Variants in IGFBP5 observed in about 807,000 individuals in gnomAD.
The protein encoded by IGFBP5 is insulin-like growth factor-binding protein 5.
In IGFBP5, 12 loss-of-function variants were observed where a neutral mutation model predicts 28.0. The observed-to-expected ratio is 0.43, with a 90% CI of 0.27 to 0.69. The LOEUF (loss-of-function observed/expected upper bound fraction) is 0.69, where lower values mean the gene tolerates loss of function less well. Among genes scored for constraint, IGFBP5 ranks in the 30% least tolerant of loss-of-function variants. The pLI, the probability that IGFBP5 is intolerant of heterozygous loss-of-function variation, is 0.20. For synonymous variants in IGFBP5, 152 were observed against 150.2 expected (o/e 1.01, Z -0.09); for missense variants, 344 against 381.6 (o/e 0.90, Z 0.82).
rs759992658 is a variant in IGFBP5 at position 216,694,724 on chromosome 2, C to T, written c.52G>A (p.Ala18Thr). ...TGCACGAAGGAGCCCAGGCTCTGGG[C>T]CGGCCCCGCATAGGCGGCCAGCAGC... ...LLLLAAYAGP[A>T]QSLGSFVHCE... Residue 18 changes from alanine (A) to threonine (T), a missense_variant, in exon 1 of 4, where the codon GCC becomes ACC. Around this residue, in one of 3 missense-constraint regions of IGFBP5, gnomAD observed 304 missense variants for 329.2 expected, o/e 0.92. Transcript: ENST00000233813. The surrounding 1 kb of genome is among the most constrained non-coding windows in gnomAD (Gnocchi z 5.2). 82 of 1,464,462 alleles carry T rather than the reference C, an allele frequency of 5.6e-5. No homozygotes were observed. Among genetic ancestry groups the T allele is most frequent in the South Asian group, 1.5e-5 (1 of 68,080 alleles). The allele number at this position is 1,464,462 out of a possible 1,614,324, so 90.7% of individuals were successfully genotyped here.
rs11575192 is a variant in IGFBP5, at chr2:216,679,444, G to C, written c.338-365C>G. On this transcript the variant is annotated intron_variant, in intron 1 of 3. Transcript: ENST00000233813. The surrounding 1 kb of genome is among the most constrained non-coding windows in gnomAD (Gnocchi z 4.6). ...TGCAAGGATGAAGGTGGCAGCGAGC[G>C]GTTTGCTTGCTGGGGGATGGCCAAG... Among the ~76,000 whole-genome samples the C allele has an allele frequency of 8.3e-3, 1,266 of 152,218 alleles. 21 individuals are homozygous for C. Among genetic ancestry groups the C allele is most frequent in the African/African-American group, 0.028 (1,168 of 41,530 alleles).
At chr2:216,678,619 C>A in intron 2 of IGFBP5, 1 of 582,796 alleles carries the variant, frequency 1.7e-6, no homozygotes, top group Non-Finnish European at 3.0e-6. Flanking sequence ...TGGGCTGGCA[C>A]ACACTCTCCT....
chr2:216,690,925 G>T (rs1689088096), intron 1 of IGFBP5, among the ~76,000 whole-genome samples: 1 of 151,084 alleles, frequency 6.6e-6, no homozygotes, highest in Non-Finnish European at 1.5e-5. Flanking sequence ...CGGAGGTGGC[G>T]AGAAAAGTCC....
At chr2:216,685,605 G>T (rs1689025413) in intron 1 of IGFBP5, among the ~76,000 whole-genome samples, 1 of 152,194 alleles carries the variant, frequency 6.6e-6, no homozygotes, top group African/African-American at 2.4e-5. Context: ...ACACAAGGCT[G>T]GTGGAAGCAT....
chr2:216,695,052 G>C lies in IGFBP5; in HGVS notation c.-277C>G, dbSNP rs754590386. 1.5e-5 allele frequency: 5 copies of C among 334,748 alleles called. No individual in the cohort carries two copies. Among genetic ancestry groups the C allele is most frequent in the Non-Finnish European group, 2.7e-5 (5 of 185,850 alleles). The allele number at this position is 334,748 out of a possible 1,614,324, so 20.7% of individuals were successfully genotyped here. On this transcript the variant is annotated 5_prime_UTR_variant, in exon 1 of 4. Transcript: ENST00000233813. ...CAGGTGCACGCAGTGAGCGGAGGCC[G>C]GAGAAACCCTCAAGCCTGAGCGGGT...
intron 2 of IGFBP5, 24 bp from the exon 3 acceptor site, chr2:216,678,255 G>C (rs578023164): frequency 2.0e-6 from 3 of 1,505,364 alleles, no homozygotes; most frequent in South Asian, 1.4e-5. Flanking sequence ...AGGGTGAGAG[G>C]CGTGGCGAGA....
intron 1 of IGFBP5, among the ~76,000 whole-genome samples, chr2:216,690,739 G>A (rs933450716): frequency 6.6e-6 from 1 of 150,936 alleles, no homozygotes; most frequent in Non-Finnish European, 1.5e-5. Context: ...GGGTCGGGGG[G>A]TGGATGGAGA....
chr2:216,694,758 C>A lies in IGFBP5; in HGVS notation c.18G>T (p.Ala6=), dbSNP rs191919473. ...CATAGGCGGCCAGCAGCAGGAGGACCGCGGTGAGCAACACCATCTTCTCTT... is the reference window on the plus strand; with the variant it reads ...CATAGGCGGCCAGCAGCAGGAGGACAGCGGTGAGCAACACCATCTTCTCTT... MVLLT[A]VLLLLAAYAG... is the part of the protein sequence containing the mutation. The change falls in exon 1 of 4, where the codon GCG becomes GCT. Residue 6 remains alanine (A), a synonymous_variant. Transcript: ENST00000233813. The surrounding 1 kb of genome is among the most constrained non-coding windows in gnomAD (Gnocchi z 5.2). 2.1e-6 allele frequency: 3 copies of A among 1,426,826 alleles called. No individual in the cohort carries two copies. The highest frequency in any genetic ancestry group is 2.7e-6 in the Non-Finnish European group (3 of 1,094,262). 88.4% of individuals were successfully genotyped at this position (1,426,826 alleles called of 1,614,324 possible).
rs1372571513 is a variant in IGFBP5 at position 216,684,573 on chromosome 2, G to A, written c.338-5494C>T. Among the ~76,000 whole-genome samples, 4 of 152,316 alleles carry A rather than the reference G, an allele frequency of 2.6e-5. No individual in the cohort carries two copies. In the East Asian group the frequency reaches 7.7e-4, roughly 29 times the overall value. On this transcript the variant is annotated intron_variant, in intron 1 of 3. Transcript: ENST00000233813. ...TCCTTTTCTAGACAGAAGATAAGAT[G>A]AGGACGCCTAGAATCTCTCTACAAA...
chr2:216,694,506 C>A lies in IGFBP5; in HGVS notation c.270G>T (p.Leu90=). The change falls in exon 1 of 4, where the codon CTG becomes CTT. Residue 90 remains leucine (L), a synonymous_variant. Transcript: ENST00000233813. The surrounding 1 kb of genome is among the most constrained non-coding windows in gnomAD (Gnocchi z 5.2). ...CLPRQDEEKP[L]HALLHGRGVC... is the part of the protein sequence containing the mutation. ...CCCCGCGGCCGTGCAGCAGGGCGTGCAGCGGCTTCTCCTCGTCCTGCCGGG... is the reference window on the plus strand; with the variant it reads ...CCCCGCGGCCGTGCAGCAGGGCGTGAAGCGGCTTCTCCTCGTCCTGCCGGG... 1 of 1,590,026 alleles carries A rather than the reference C, an allele frequency of 6.3e-7. No individual in the cohort carries two copies. The highest frequency in any genetic ancestry group is 1.3e-5 in the African/African-American group (1 of 74,146).
chr2:216,678,033 C>T, intron 3 of IGFBP5, 79 bp downstream of exon 3: 1 of 1,338,442 alleles, frequency 7.5e-7, no homozygotes, highest in Non-Finnish European at 9.8e-7. Flanking sequence ...AAACCTTAGG[C>T]ACTTGCCCAA....
intron 1 of IGFBP5, among the ~76,000 whole-genome samples, chr2:216,686,144 C>T (rs1340531808): frequency 6.6e-6 from 1 of 152,126 alleles, no homozygotes; most frequent in Non-Finnish European, 1.5e-5. Context: ...CAGCTGAGCC[C>T]CCCTACCCCA....
In IGFBP5 at chr2:216,679,330, A is replaced by T; in HGVS notation, c.338-251T>A. On this transcript the variant is annotated intron_variant, in intron 1 of 3. Transcript: ENST00000233813. The surrounding 1 kb of genome is among the most constrained non-coding windows in gnomAD (Gnocchi z 4.6). ...TGCAGGCAGGGAGGCTTCACAGAGG[A>T]GGAGAATCGAGAGACTGACAGACTG... 1.9e-6 allele frequency: 1 copy of T among 539,452 alleles called. No homozygotes were observed. Among genetic ancestry groups the T allele is most frequent in the South Asian group, 2.0e-5 (1 of 50,734 alleles). 33.4% of individuals were successfully genotyped at this position (539,452 alleles called of 1,614,324 possible).
In IGFBP5 at chr2:216,694,525, T is replaced by A; in HGVS notation, c.251A>T (p.Gln84Leu). 1 of 1,583,390 alleles carries A rather than the reference T, an allele frequency of 6.3e-7. No homozygotes were observed. The highest frequency in any genetic ancestry group is 8.6e-7 in the Non-Finnish European group (1 of 1,167,986). ...GGCGTGCAGCGGCTTCTCCTCGTCC[T>A]GCCGGGGGAGGCAGCGCAGCCCCTG... is the stretch of plus-strand genomic sequence containing the variant. ...CAQGLRCLPR[Q>L]DEEKPLHALL... The change falls in exon 1 of 4, where the codon CAG becomes CTG. Residue 84 changes from glutamine to leucine, a missense_variant. By Grantham distance (113) the Gln-to-Leu change is moderately radical (BLOSUM62 -2). Around this residue, in one of 3 missense-constraint regions of IGFBP5, gnomAD observed 304 missense variants for 329.2 expected, o/e 0.92. Coordinates refer to ENST00000233813, the MANE Select transcript of IGFBP5 (RefSeq NM_000599.4). This position sits in a 1 kb window ranked among gnomAD's most constrained non-coding sequence, Gnocchi z 5.2.
intron 1 of IGFBP5, among the ~76,000 whole-genome samples, chr2:216,689,585 G>C (rs1419740453): frequency 6.6e-6 from 1 of 152,236 alleles, no homozygotes; most frequent in Non-Finnish European, 1.5e-5. Flanking sequence ...CCAGGCATGA[G>C]CCCCAGTGAC....
At chr2:216,689,681 C>A (rs1395839955) in intron 1 of IGFBP5, among the ~76,000 whole-genome samples, 1 of 152,228 alleles carries the variant, frequency 6.6e-6, no homozygotes, top group South Asian at 2.1e-4. Context: ...TGTCTCTAAC[C>A]CTGCTGCCAC....
rs2160548 is a variant in IGFBP5 at position 216,688,157 on chromosome 2, A to C, written c.337+6282T>G. On this transcript the variant is annotated intron_variant, in intron 1 of 3. Coordinates refer to ENST00000233813, the MANE Select transcript of IGFBP5 (RefSeq NM_000599.4). The stretch of plus-strand genomic sequence containing the variant: ...TTAATTTTAATTAGTTTAAATTTAA[A>C]AACAGATACTCAACTCAGTTATTGG... Among the ~76,000 whole-genome samples, 914 of 152,324 alleles carry C rather than the reference A, an allele frequency of 6.0e-3. 22 individuals carry two copies. Among genetic ancestry groups the C allele is most frequent in the Admixed American group, 0.048 (742 of 15,302 alleles).
chr2:216,678,843 G>T lies in IGFBP5; in HGVS notation c.567+7C>A, dbSNP rs1167997239. Reference sequence around the variant, plus strand: ...TGGGAGGGAATGAGGGAATCCCCGAGATGCACCTGCTCAGACTCCTGTCTC... The same window carrying T: ...TGGGAGGGAATGAGGGAATCCCCGATATGCACCTGCTCAGACTCCTGTCTC... On this transcript the variant is annotated splice_region_variant and intron_variant, in intron 2 of 3. Coordinates refer to ENST00000233813, the MANE Select transcript of IGFBP5 (RefSeq NM_000599.4). The T allele has an allele frequency of 1.2e-6, 2 of 1,606,184 alleles. No individual in the cohort carries two copies. Among genetic ancestry groups the T allele is most frequent in the South Asian group, 2.2e-5 (2 of 90,834 alleles).
Position 216,694,366 on chromosome 2 carries a change from C to G in IGFBP5, c.337+73G>C. The G allele has an allele frequency of 7.5e-7, 1 of 1,334,412 alleles. No individual in the cohort carries two copies. The highest frequency in any genetic ancestry group is 1.9e-4 in the Middle Eastern group (1 of 5,192). 82.7% of individuals were successfully genotyped at this position (1,334,412 alleles called of 1,614,324 possible). A position where few individuals can be genotyped will look rare whatever the true frequency, so the allele number is the denominator to read the frequency against. On this transcript the variant is annotated intron_variant, in intron 1 of 3. Coordinates refer to ENST00000233813, the MANE Select transcript of IGFBP5 (RefSeq NM_000599.4). The surrounding 1 kb of genome is among the most constrained non-coding windows in gnomAD (Gnocchi z 5.2). ...GCTCGAAGCCACTTGCTGCGCAAAG[C>G]GCGCGGGCCCAGCCGGTCTCGTGTC...
Sources: allele counts gnomAD v4.1 joint callset (sites outside exome capture counted in the v4.1 genomes callset), GRCh38; gene constraint gnomAD v4.1.1; regional missense constraint gnomAD v4.1.1; non-coding constraint Gnocchi (gnomAD v3.1); transcripts MANE v1.5; gene names NCBI Gene and HGNC (gene_info 2026-07-23, HGNC 2026-07-21).